The following ZNF518A variants were observed in gnomAD, a reference collection of about 807,000 sequenced individuals.
ZNF518A encodes zinc finger protein 518A, also known as zinc finger protein 518.
Under a neutral mutation model 102.7 loss-of-function variants are expected in ZNF518A, and 47 were observed. The ratio of observed to expected loss-of-function variants is 0.46; its 90% CI spans 0.36 to 0.58. The LOEUF (loss-of-function observed/expected upper bound fraction) is 0.58. Among genes scored for constraint, ZNF518A ranks in the 20% least tolerant of loss-of-function variants. ZNF518A has a pLI of 0.00. For synonymous variants in ZNF518A, 652 were observed against 594.6 expected (o/e 1.10, Z -1.40); for missense variants, 1,793 against 1,699.8 (o/e 1.05, Z -0.96).
downstream of ZNF518A, chr10:96,205,051 T>G (rs2083760748): frequency 8.9e-6 from 2 of 225,912 alleles, no homozygotes; most frequent in African/African-American, 4.5e-5. Context: ...ATAAGCAGTG[T>G]GTTACTGATA....
chr10:96,190,329 G>A (rs1414107800), intron 1 of ZNF518A: 10 of 569,664 alleles, frequency 1.8e-5, no homozygotes, highest in South Asian at 5.6e-5. Context: ...TTGTTCCTGT[G>A]TGTCTCTTCA....
chr10:96,160,523 G>T lies in ZNF518A; in HGVS notation c.4201G>T (p.Asp1401Tyr). The T allele has an allele frequency of 6.2e-7, 1 of 1,612,258 alleles. No homozygotes were observed. The highest frequency in any genetic ancestry group is 8.5e-7 in the Non-Finnish European group (1 of 1,179,318). The stretch of plus-strand genomic sequence containing the variant: ...TTATAACCCTCCTAAAACAACTTAT[G>T]ATGATTTTTCCAAGAGGCACAAAAC... ...VCYNPPKTTY[D>Y]DFSKRHKTFK... The change falls in exon 6 of 6, where the codon GAT becomes TAT. Residue 1401 changes from aspartate (D) to tyrosine (Y), a missense_variant. Asp to Tyr is a radical substitution (Grantham distance 160). Coordinates refer to ENST00000316045, the MANE Select transcript of ZNF518A (RefSeq NM_001330736.2).
At chr10:96,143,212 CT>C (rs2082023607) in intron 3 of ZNF518A, among the ~76,000 whole-genome samples, 3 of 152,106 alleles carry the variant, frequency 2.0e-5, no homozygotes. Flanking sequence ...TATTTTTACT[CT>C]TTCTCCAGTT....
At chr10:96,197,157 C>T in intron 1 of ZNF518A, 1 of 910,142 alleles carries the variant, frequency 1.1e-6, no homozygotes. Context: ...ACCTATATTA[C>T]ATTCCAAAGG....
rs1207774775 is a variant in ZNF518A at position 96,152,269 on chromosome 10, C to T, written c.-301-3057C>T. 2.0e-5 allele frequency among the ~76,000 whole-genome samples: 3 copies of T among 151,712 alleles called. No homozygotes were observed. The East Asian group carries it at 5.8e-4, about 29-fold the overall frequency. ...TTGAGGCTGCAGTGAGCTGAGATCA[C>T]GCCACTGCACTCCAGCCTGGGCGAC... On this transcript the variant is annotated intron_variant, in intron 3 of 5. Transcript: ENST00000316045.
intron 3 of ZNF518A, among the ~76,000 whole-genome samples, chr10:96,143,524 A>T (rs2082036406): frequency 6.6e-6 from 1 of 152,114 alleles, no homozygotes; most frequent in South Asian, 2.1e-4. Context: ...TCCTCACAAA[A>T]CCTACCTTTC....
chr10:96,202,795 C>T (rs2083679966), intron 1 of ZNF518A, among the ~76,000 whole-genome samples: 1 of 152,136 alleles, frequency 6.6e-6, no homozygotes. Flanking sequence ...TGGAAGAGTA[C>T]CCATGGCTAA....
chr10:96,185,006 T>A (rs779018530), intron 1 of ZNF518A, among the ~76,000 whole-genome samples: 144 of 152,200 alleles, frequency 9.5e-4, no homozygotes, highest in Non-Finnish European at 1.8e-3. Flanking sequence ...CATTTCTTTT[T>A]ACTCTTTTTT....
chr10:96,130,299 C>G lies in ZNF518A; in HGVS notation c.-906C>G, dbSNP rs1232479412. Among the ~76,000 whole-genome samples the G allele has an allele frequency of 6.6e-6, 1 of 152,228 alleles. No individual in the cohort carries two copies. The highest frequency in any genetic ancestry group is 6.5e-5 in the Admixed American group (1 of 15,288). ...CCGGCCATTCAGCGCTTCCGCTTAA[C>G]TTGCCGCAAAGTTTTTCTGGAGAAG... On this transcript the variant is annotated 5_prime_UTR_variant, in exon 1 of 6. Transcript: ENST00000316045.
At chr10:96,164,017 G>C (rs1476405429), downstream of ZNF518A, among the ~76,000 whole-genome samples, 1 of 152,194 alleles carries the variant, frequency 6.6e-6, no homozygotes, top group African/African-American at 2.4e-5. Context: ...TAGGTCATTT[G>C]TGTGCTAAGA....
intron 1 of ZNF518A, among the ~76,000 whole-genome samples, chr10:96,177,386 G>T (rs2083211939): frequency 1.3e-5 from 2 of 152,154 alleles, no homozygotes; most frequent in African/African-American, 2.4e-5. Flanking sequence ...AATATTAAGA[G>T]AAATTTTTTA....
At chr10:96,184,528 C>T (rs587694632) in intron 1 of ZNF518A, among the ~76,000 whole-genome samples, 2 of 152,310 alleles carry the variant, frequency 1.3e-5, no homozygotes, top group Admixed American at 1.3e-4. Flanking sequence ...ATTTGCTTGT[C>T]TGTAAAGGAT....
chr10:96,153,733 G>A (rs1184180270), intron 3 of ZNF518A, among the ~76,000 whole-genome samples: 3 of 152,140 alleles, frequency 2.0e-5, no homozygotes, highest in Admixed American at 2.0e-4. Flanking sequence ...TGTATTTGAA[G>A]TTGAAACTAG....
downstream of ZNF518A, among the ~76,000 whole-genome samples, chr10:96,167,227 G>T (rs1554890469): frequency 6.6e-6 from 1 of 152,176 alleles, no homozygotes; most frequent in Non-Finnish European, 1.5e-5. Context: ...TTGGGAGGCT[G>T]AGGTGGGTGG....
chr10:96,164,804 T>C (rs1452662509), downstream of ZNF518A, among the ~76,000 whole-genome samples: 1 of 152,226 alleles, frequency 6.6e-6, no homozygotes, highest in Non-Finnish European at 1.5e-5. Context: ...TAAAGACATT[T>C]CTAATGTGTT....
intron 1 of ZNF518A, chr10:96,191,699 T>C (rs1554893475): frequency 6.4e-6 from 2 of 314,794 alleles, no homozygotes; most frequent in Non-Finnish European, 1.2e-5. Context: ...TACTTTACAC[T>C]TATTTTTAAA....
chr10:96,161,874 C>T lies in ZNF518A; in HGVS notation c.*1100C>T, dbSNP rs2083013333. On this transcript the variant is annotated 3_prime_UTR_variant, in exon 6 of 6. Transcript: ENST00000316045. The stretch of plus-strand genomic sequence containing the variant: ...TGTTGGCATTTGCAAAAGGAAGCAT[C>T]AATAGTGGACCCAGAGGCAGTGCAT... 1 of 166,880 alleles carries T rather than the reference C, an allele frequency of 6.0e-6. No individual in the cohort carries two copies. The highest frequency in any genetic ancestry group is 6.6e-5 in the Admixed American group (1 of 15,262). The allele number at this position is 166,880 out of a possible 1,614,324, so 10.3% of individuals were successfully genotyped here. A position where few individuals can be genotyped will look rare whatever the true frequency, so the allele number is the denominator to read the frequency against.
intron 3 of ZNF518A, chr10:96,135,115 G>A (rs1458997572): frequency 1.3e-5 from 2 of 152,166 alleles, no homozygotes; most frequent in African/African-American, 4.8e-5. Flanking sequence ...GAAATTTATG[G>A]TTGAATGCTA....
downstream of ZNF518A, among the ~76,000 whole-genome samples, chr10:96,168,194 T>C (rs1554890562): frequency 6.6e-6 from 1 of 152,200 alleles, no homozygotes. Context: ...CTAATTCTGT[T>C]GGAGTCATGA....
Sources: allele counts gnomAD v4.1 joint callset (sites outside exome capture counted in the v4.1 genomes callset), GRCh38; gene constraint gnomAD v4.1.1; transcripts MANE v1.5; gene names NCBI Gene and HGNC (gene_info 2026-07-23, HGNC 2026-07-21).